The following TLE1 variants were observed in gnomAD, a reference collection of about 807,000 sequenced individuals.
TLE1 encodes TLE family member 1, transcriptional corepressor.
In TLE1, 21 loss-of-function variants were observed where a neutral mutation model predicts 89.8. The observed-to-expected ratio is 0.23, with a 90% CI of 0.17 to 0.34. The LOEUF is 0.34. Ranked by LOEUF, TLE1 falls within the 10% of genes least tolerant of loss-of-function variation. The pLI, the probability that TLE1 is intolerant of heterozygous loss-of-function variation, is 1.00. For missense variants in TLE1, 795 were observed against 1,031.2 expected (o/e 0.77, Z 3.14); for synonymous variants, 447 against 407.6 (o/e 1.10, Z -1.16).
intron 14 of TLE1, among the ~76,000 whole-genome samples, chr9:81,595,658 A>G (rs772479132): frequency 6.6e-6 from 1 of 151,964 alleles, no homozygotes; most frequent in African/African-American, 2.4e-5. Flanking sequence ...CTCTACTAAA[A>G]ATACAAAAAA....
chr9:81,635,255 T>C (rs1477676568), intron 6 of TLE1, among the ~76,000 whole-genome samples: 1 of 152,172 alleles, frequency 6.6e-6, no homozygotes, highest in Non-Finnish European at 1.5e-5. Flanking sequence ...CACTCTTTCA[T>C]TGTGACTGAT....
At chr9:81,640,396 T>TAAA (rs56035615) in intron 6 of TLE1, among the ~76,000 whole-genome samples, 3 of 142,570 alleles carry the variant, frequency 2.1e-5, no homozygotes, top group African/African-American at 7.9e-5. Flanking sequence ...TTTCAAAAAT[T>TAAA]AAAAAAAAAA....
Position 81,585,497 on chromosome 9 carries a change from G to C in TLE1, c.2128+8C>G. ...AACGGCCTCCAGTTTCCTTTCGGCT[G>C]AACTCACCACAGTAAGCAAATTTCA... On this transcript the variant is annotated splice_region_variant and intron_variant, in intron 18 of 19. Coordinates refer to ENST00000376499, the MANE Select transcript of TLE1 (RefSeq NM_005077.5). 1 of 1,611,532 alleles carries C rather than the reference G, an allele frequency of 6.2e-7. No individual in the cohort carries two copies. The highest frequency in any genetic ancestry group is 1.7e-5 in the Admixed American group (1 of 59,890).
chr9:81,590,712 T>C lies in TLE1; in HGVS notation c.1829+93A>G, dbSNP rs115198232. ...ATGCCTGGCATTCAAGAGGCTCTTA[T>C]TGTGTGGGCTGCAGGCAGCCAGAGA... is the stretch of plus-strand genomic sequence containing the variant. On this transcript the variant is annotated intron_variant, in intron 16 of 19. Transcript: ENST00000376499. 969 of 1,543,864 alleles carry C rather than the reference T, an allele frequency of 6.3e-4. 2 individuals are homozygous for C. In the African/African-American group the frequency reaches 0.011, roughly 18 times the overall value.
At position 81,688,160 on chromosome 9, in the gene TLE1, G is replaced by A. The variant is rs980787050; in HGVS notation, c.24+57C>T. On this transcript the variant is annotated intron_variant, in intron 1 of 19. Coordinates refer to ENST00000376499, the MANE Select transcript of TLE1 (RefSeq NM_005077.5). Reference sequence around the variant, plus strand: ...GAAGCCACCAGTCTCCCTACCGCCCGGGAGAAGCGCCTCCCCAACGATCCT... The same window carrying A: ...GAAGCCACCAGTCTCCCTACCGCCCAGGAGAAGCGCCTCCCCAACGATCCT... 1.3e-5 allele frequency: 21 copies of A among 1,596,436 alleles called. No individual in the cohort carries two copies. In the Admixed American group the frequency reaches 1.4e-4, roughly 10 times the overall value.
chr9:81,611,670 G>T, intron 13 of TLE1, 99 bp downstream of exon 13: 1 of 1,204,940 alleles, frequency 8.3e-7, no homozygotes, highest in Non-Finnish European at 1.1e-6. Flanking sequence ...GGCTGCTCCT[G>T]CCCACGCAGC....
At chr9:81,654,944 T>C (rs992219901) in intron 4 of TLE1, among the ~76,000 whole-genome samples, 7 of 152,190 alleles carry the variant, frequency 4.6e-5, no homozygotes, top group African/African-American at 1.4e-4. Flanking sequence ...CAAGTCATGA[T>C]ATCCTGAGTA....
chr9:81,654,060 T>C, intron 4 of TLE1, 24 bp from the exon 5 acceptor site: 1 of 1,612,180 alleles, frequency 6.2e-7, no homozygotes, highest in Non-Finnish European at 8.5e-7. Context: ...GCCACACAAA[T>C]GTTTAGAATA....
intron 4 of TLE1, among the ~76,000 whole-genome samples, chr9:81,674,887 G>A (rs1832692911): frequency 6.6e-6 from 1 of 152,148 alleles, no homozygotes; most frequent in Non-Finnish European, 1.5e-5. Context: ...AGGTGTGGTG[G>A]CTCACACCTG....
At chr9:81,609,405 G>T (rs918294755) in intron 14 of TLE1, among the ~76,000 whole-genome samples, 6 of 152,156 alleles carry the variant, frequency 3.9e-5, no homozygotes, top group African/African-American at 1.4e-4. Context: ...TCTATCTTAG[G>T]AGAAGGCAGA....
Position 81,584,489 on chromosome 9 carries a change from G to A in TLE1, c.2164C>T (p.Leu722Phe). The A allele has an allele frequency of 1.9e-6, 3 of 1,614,182 alleles. No individual in the cohort carries two copies. The highest frequency in any genetic ancestry group is 2.5e-6 in the Non-Finnish European group (3 of 1,180,036). ...CCATAGGGGGTCCGCCAAGCATTGAGGAGGTTATCTTTTCCAGTACTCACA... is the reference window on the plus strand; with the variant it reads ...CCATAGGGGGTCCGCCAAGCATTGAAGAGGTTATCTTTTCCAGTACTCACA... Reference protein sequence around the residue: ...WFVSTGKDNLLNAWRTPYGAS... With the variant: ...WFVSTGKDNLFNAWRTPYGAS... Residue 722 changes from leucine to phenylalanine, a missense_variant, in exon 19 of 20, where the codon CTC becomes TTC. By Grantham distance (22) the Leu-to-Phe change is conservative (BLOSUM62 0). Transcript: ENST00000376499.
intron 9 of TLE1, among the ~76,000 whole-genome samples, chr9:81,618,461 C>A (rs1027879260): frequency 6.6e-6 from 1 of 152,112 alleles, no homozygotes; most frequent in Non-Finnish European, 1.5e-5. Flanking sequence ...TCTTCAATAG[C>A]GTGTTACAAG....
chr9:81,590,276 G>A (rs910967971), intron 16 of TLE1, among the ~76,000 whole-genome samples: 1 of 152,236 alleles, frequency 6.6e-6, no homozygotes, highest in Non-Finnish European at 1.5e-5. Context: ...CAGAAGGCCA[G>A]GCAGAGCCCT....
At chr9:81,685,950 A>ATCTGCC in intron 2 of TLE1, 54 bp from the exon 3 acceptor site, 1 of 1,588,212 alleles carries the variant, frequency 6.3e-7, no homozygotes. Context: ...TTGTTTTAAC[A>ATCTGCC]TCTGCCTCAC....
chr9:81,613,425 G>T lies in TLE1; in HGVS notation c.1015C>A (p.Pro339Thr). The T allele has an allele frequency of 6.2e-7, 1 of 1,614,128 alleles. No homozygotes were observed. Among genetic ancestry groups the T allele is most frequent in the Non-Finnish European group, 8.5e-7 (1 of 1,179,990 alleles). Reference protein sequence around the residue: ...PGTSATPGLRPGLGKPPAIDP... With the variant: ...PGTSATPGLRTGLGKPPAIDP... ...ATGGCTGGAGGCTTGCCGAGACCTGGACGGAGGCCTGGAGTGGCGCTGGTG... is the reference window on the plus strand; with the variant it reads ...ATGGCTGGAGGCTTGCCGAGACCTGTACGGAGGCCTGGAGTGGCGCTGGTG... The change falls in exon 12 of 20, where the codon CCA becomes ACA. Residue 339 changes from proline (P) to threonine (T), a missense_variant. Physicochemically the swap from Pro to Thr is conservative, Grantham distance 38. Around this residue, in one of 4 missense-constraint regions of TLE1, gnomAD observed 468 missense variants for 509.1 expected, o/e 0.92. Coordinates refer to ENST00000376499, the MANE Select transcript of TLE1 (RefSeq NM_005077.5).
At chr9:81,651,316 TGAG>T (rs1456108409) in intron 6 of TLE1, among the ~76,000 whole-genome samples, 1 of 152,136 alleles carries the variant, frequency 6.6e-6, no homozygotes, top group Non-Finnish European at 1.5e-5. Flanking sequence ...GACGAACACA[TGAG>T]AACCATCCCA....
chr9:81,685,944 T>C, intron 2 of TLE1, 48 bp from the exon 3 acceptor site: 3 of 1,596,544 alleles, frequency 1.9e-6, no homozygotes, highest in Non-Finnish European at 8.6e-7. Context: ...TGTCACTTGT[T>C]TTAACATCTG....
intron 4 of TLE1, among the ~76,000 whole-genome samples, chr9:81,677,058 G>A (rs1832985268): frequency 6.6e-6 from 1 of 151,972 alleles, no homozygotes; most frequent in Non-Finnish European, 1.5e-5. Flanking sequence ...ACAACATGGA[G>A]AAACCCCGTC....
intron 8 of TLE1, among the ~76,000 whole-genome samples, chr9:81,631,044 T>C (rs1014726386): frequency 2.0e-5 from 3 of 152,222 alleles, no homozygotes; most frequent in African/African-American, 4.8e-5. Flanking sequence ...AAAATATTCA[T>C]TGAAATGATT....
Sources: gnomAD v4.1 joint callset for allele counts (sites outside exome capture counted in the v4.1 genomes callset) on GRCh38, gnomAD v4.1.1 for gene constraint, gnomAD v4.1.1 regional missense constraint, MANE v1.5 for transcripts, NCBI Gene and HGNC (gene_info 2026-07-23, HGNC 2026-07-21) for gene names.